GREB1L: variants seen among roughly 807,000 people sequenced by gnomAD.
GREB1L encodes the protein GREB1 like retinoic acid receptor coactivator, also known as GREB1-like protein.
A neutral mutation model predicts 200.8 loss-of-function variants in GREB1L; 17 were observed. The ratio of observed to expected loss-of-function variants is 0.08; its 90% CI spans 0.06 to 0.13. The LOEUF (loss-of-function observed/expected upper bound fraction) is 0.13. Among genes scored for constraint, GREB1L ranks in the 10% least tolerant of loss-of-function variants. The pLI, the probability that GREB1L is intolerant of heterozygous loss-of-function variation, is 1.00. For missense variants in GREB1L, 1,657 were observed against 2,367.7 expected (o/e 0.70, Z 6.23); for synonymous variants, 789 against 893.0 (o/e 0.88, Z 2.08).
intron 7 of GREB1L, among the ~76,000 whole-genome samples, chr18:21,428,848 G>T (rs2032883135): frequency 6.7e-6 from 1 of 149,900 alleles, no homozygotes; most frequent in Non-Finnish European, 1.5e-5. Context: ...CTCCCGAGTT[G>T]CTGAGATTAC....
At chr18:21,345,491 C>T (rs1421314790) in intron 1 of GREB1L, among the ~76,000 whole-genome samples, 1 of 152,204 alleles carries the variant, frequency 6.6e-6, no homozygotes, top group African/African-American at 2.4e-5. Flanking sequence ...ATTCCTGGCA[C>T]CATCACTTGT....
At chr18:21,291,673 C>G (rs1243104644) in intron 1 of GREB1L, among the ~76,000 whole-genome samples, 4 of 152,154 alleles carry the variant, frequency 2.6e-5, no homozygotes, top group African/African-American at 9.7e-5. Flanking sequence ...CAGTGGCAAC[C>G]TTCCACAATA....
rs543508398 is a variant in GREB1L, at chr18:21,312,875, G to C, written c.-119-53152G>C. Among the ~76,000 whole-genome samples the C allele has an allele frequency of 2.6e-5, 4 of 152,284 alleles. No homozygotes were observed. The South Asian group carries it at 8.3e-4, about 32-fold the overall frequency. On this transcript the variant is annotated intron_variant, in intron 1 of 32. Transcript: ENST00000424526. ...TCCAGTAATAACCATTCTGACTGGT[G>C]TGAGATCATATCTCATTGTGGTTTT...
chr18:21,489,375 G>A (rs1421899302), intron 18 of GREB1L, among the ~76,000 whole-genome samples: 1 of 152,176 alleles, frequency 6.6e-6, no homozygotes, highest in Non-Finnish European at 1.5e-5. Flanking sequence ...ACAGTTTATG[G>A]AAAGATAGAA....
intron 1 of GREB1L, among the ~76,000 whole-genome samples, chr18:21,300,171 G>T (rs1187696700): frequency 1.3e-5 from 2 of 152,162 alleles, no homozygotes; most frequent in Non-Finnish European, 2.9e-5. Context: ...TGCAGATGAG[G>T]TTGCCTTCTG....
At chr18:21,384,094 C>A in intron 3 of GREB1L, 112 bp from the exon 4 acceptor site, 1 of 783,818 alleles carries the variant, frequency 1.3e-6, no homozygotes, top group Non-Finnish European at 2.1e-6. Flanking sequence ...GATAAATTGG[C>A]TAAATGTTAG....
intron 1 of GREB1L, among the ~76,000 whole-genome samples, chr18:21,287,136 A>G (rs1409233152): frequency 3.9e-5 from 6 of 152,136 alleles, no homozygotes; most frequent in Admixed American, 6.6e-5. Context: ...GAGCAATTAT[A>G]TAGGAATTTT....
At chr18:21,283,019 G>A (rs1204318833) in intron 1 of GREB1L, among the ~76,000 whole-genome samples, 5 of 152,184 alleles carry the variant, frequency 3.3e-5, no homozygotes, top group African/African-American at 1.2e-4. Context: ...TGCCAAAAAT[G>A]ATGTAATGCA....
chr18:21,476,814 G>A (rs1012324501), intron 16 of GREB1L, among the ~76,000 whole-genome samples: 1 of 151,842 alleles, frequency 6.6e-6, no homozygotes, highest in Non-Finnish European at 1.5e-5. Flanking sequence ...CCTGACCTCA[G>A]GTGGTCCATC....
intron 5 of GREB1L, among the ~76,000 whole-genome samples, chr18:21,397,614 T>C (rs2144430095): frequency 6.6e-6 from 1 of 152,026 alleles, no homozygotes; most frequent in South Asian, 2.1e-4. Context: ...GGCAGGAGAA[T>C]AGCGTGAACC....
At chr18:21,330,137 G>T (rs560789405) in intron 1 of GREB1L, among the ~76,000 whole-genome samples, 4 of 152,214 alleles carry the variant, frequency 2.6e-5, no homozygotes, top group South Asian at 4.1e-4. Flanking sequence ...TGTTGGCTGG[G>T]CAGGCAGGTC....
chr18:21,510,906 TA>T (rs1453516280), intron 27 of GREB1L, among the ~76,000 whole-genome samples: 3 of 152,202 alleles, frequency 2.0e-5, no homozygotes, highest in African/African-American at 7.2e-5. Context: ...TAATGATTAG[TA>T]ATATTGAACA....
chr18:21,481,247 A>G (rs552462390), intron 17 of GREB1L, among the ~76,000 whole-genome samples: 87 of 152,164 alleles, frequency 5.7e-4, no homozygotes, highest in African/African-American at 2.1e-3. Flanking sequence ...TGGGGGCAGG[A>G]GGAGGCACTC....
intron 18 of GREB1L, among the ~76,000 whole-genome samples, chr18:21,487,985 C>T (rs1260962996): frequency 2.0e-5 from 3 of 148,248 alleles, no homozygotes; most frequent in Admixed American, 6.8e-5. Flanking sequence ...CACTCCAGTC[C>T]GAGCGACAGA....
intron 1 of GREB1L, among the ~76,000 whole-genome samples, chr18:21,347,662 G>A (rs1178932341): frequency 1.3e-5 from 2 of 150,544 alleles, no homozygotes; most frequent in Non-Finnish European, 2.9e-5. Context: ...TTGCCATGTT[G>A]CCCAGACTAG....
intron 1 of GREB1L, among the ~76,000 whole-genome samples, chr18:21,325,813 CAAA>C (rs60239796): frequency 9.7e-3 from 404 of 41,578 alleles, no homozygotes; most frequent in African/African-American, 0.017. Flanking sequence ...GACCTTGTCT[CAAA>C]AAAAAAAAAA....
chr18:21,401,469 G>A (rs1049867421), intron 6 of GREB1L, 143 bp downstream of exon 6: 6 of 659,978 alleles, frequency 9.1e-6, no homozygotes, highest in East Asian at 5.5e-5. Context: ...AAGCCTTCTG[G>A]TAGGTTATTT....
At chr18:21,308,164 G>T (rs1598646820) in intron 1 of GREB1L, among the ~76,000 whole-genome samples, 1 of 152,128 alleles carries the variant, frequency 6.6e-6, no homozygotes, top group South Asian at 2.1e-4. Flanking sequence ...CCTTAATACA[G>T]TCTGTGGAGT....
chr18:21,450,938 T>A, intron 12 of GREB1L, 85 bp from the exon 13 acceptor site: 1 of 1,359,250 alleles, frequency 7.4e-7, no homozygotes, highest in South Asian at 1.4e-5. Context: ...ATCCTTTGAT[T>A]GTTTCCAATT....
Sources: gnomAD v4.1 joint callset for allele counts (sites outside exome capture counted in the v4.1 genomes callset) on GRCh38, gnomAD v4.1.1 for gene constraint, MANE v1.5 for transcripts, NCBI Gene and HGNC (gene_info 2026-07-23, HGNC 2026-07-21) for gene names.